The following SVEP1 variants were observed in gnomAD, a reference collection of about 807,000 sequenced individuals.
SVEP1 encodes sushi, von Willebrand factor type A, EGF and pentraxin domain-containing protein 1.
In SVEP1, 164 loss-of-function variants were observed where a neutral mutation model predicts 367.3. That is an observed-to-expected ratio of 0.45 (90% CI 0.39 to 0.51). The LOEUF is 0.51. Among genes scored for constraint, SVEP1 ranks in the 20% least tolerant of loss-of-function variants. SVEP1 has a pLI of 0.00. For missense variants in SVEP1, 4,117 were observed against 4,425.3 expected, an observed-to-expected ratio of 0.93 and a Z score of 1.98; for synonymous variants, 1,666 against 1,611.6, an observed-to-expected ratio of 1.03 and a Z score of -0.81.
At chr9:110,550,363 C>G (rs1019140554) in intron 1 of SVEP1, among the ~76,000 whole-genome samples, 6 of 152,110 alleles carry the variant, frequency 3.9e-5, no homozygotes, top group African/African-American at 1.4e-4. Flanking sequence ...TAATGAAGTA[C>G]AACAAACACT....
intron 3 of SVEP1, among the ~76,000 whole-genome samples, chr9:110,545,641 A>G (rs1408974359): frequency 1.3e-5 from 2 of 152,180 alleles, no homozygotes; most frequent in Non-Finnish European, 2.9e-5. Context: ...AGATTGAGGC[A>G]CATTTTGGTT....
intron 8 of SVEP1, among the ~76,000 whole-genome samples, chr9:110,491,617 GCAAAT>G (rs1829368245): frequency 1.3e-5 from 2 of 150,784 alleles, no homozygotes; most frequent in African/African-American, 2.4e-5. Flanking sequence ...GTGTGTGTGT[GCAAAT>G]TTATCTGTAT....
intron 23 of SVEP1, among the ~76,000 whole-genome samples, chr9:110,450,476 T>G (rs1171659288): frequency 2.0e-5 from 3 of 146,730 alleles, no homozygotes; most frequent in Non-Finnish European, 3.0e-5. Context: ...TGTTTTTTTT[T>G]TTTTTTTTTT....
At chr9:110,525,687 C>T (rs1276907149) in intron 3 of SVEP1, among the ~76,000 whole-genome samples, 1 of 151,712 alleles carries the variant, frequency 6.6e-6, no homozygotes, top group African/African-American at 2.4e-5. Context: ...CTATAATAAT[C>T]AAGACTATGC....
intron 44 of SVEP1, among the ~76,000 whole-genome samples, chr9:110,378,873 G>T (rs567497018): frequency 6.6e-6 from 1 of 151,094 alleles, no homozygotes; most frequent in Non-Finnish European, 1.5e-5. Flanking sequence ...TAACAAACCC[G>T]CATGTTGTGT....
chr9:110,492,438 T>C (rs1829380433), intron 8 of SVEP1, among the ~76,000 whole-genome samples: 1 of 151,680 alleles, frequency 6.6e-6, no homozygotes, highest in Middle Eastern at 3.4e-3. Context: ...ATGCAATAGA[T>C]ACTCTTATTT....
In SVEP1 at chr9:110,429,270, T is replaced by C; in HGVS notation, c.5680A>G (p.Ser1894Gly). ...ESSCLANSSW[S>G]HSPPVCEPVK... is the part of the protein sequence containing the mutation. ...GGTTCACACACAGGAGGGGAATGACTCCAAGAACTGTTAGCAAGACAGGAT... is the reference window on the plus strand; with the variant it reads ...GGTTCACACACAGGAGGGGAATGACCCCAAGAACTGTTAGCAAGACAGGAT... The change falls in exon 35 of 48, where the codon AGT (serine) becomes GGT (glycine). Residue 1894 changes from serine (S) to glycine (G), a missense_variant. Around this residue, in one of 4 missense-constraint regions of SVEP1, gnomAD observed 2,174 missense variants for 2,494.3 expected, o/e 0.87. Transcript: ENST00000374469. 6.3e-7 allele frequency: 1 copy of C among 1,596,806 alleles called. No homozygotes were observed. The highest frequency in any genetic ancestry group is 8.5e-7 in the Non-Finnish European group (1 of 1,171,136).
chr9:110,554,174 A>ATT (rs141773766), intron 1 of SVEP1, among the ~76,000 whole-genome samples: 3 of 150,752 alleles, frequency 2.0e-5, no homozygotes, highest in East Asian at 1.9e-4. Flanking sequence ...GCTTTATACT[A>ATT]TTTTTTTTTG....
At chr9:110,434,670 A>AAAAAAAAAT in intron 29 of SVEP1, among the ~76,000 whole-genome samples, 164 bp from the exon 30 acceptor site, 1 of 148,398 alleles carries the variant, frequency 6.7e-6, no homozygotes, top group Non-Finnish European at 1.5e-5. Context: ...AATCACTAAA[A>AAAAAAAAAT]AAAAAAAAAA....
At chr9:110,370,569 A>G (rs572023260) in intron 46 of SVEP1, among the ~76,000 whole-genome samples, 113 of 152,312 alleles carry the variant, frequency 7.4e-4, no homozygotes, top group African/African-American at 2.5e-3. Flanking sequence ...GAGAGGAGAC[A>G]TATTTCACGG....
chr9:110,551,779 TGAG>T (rs1830289862), intron 1 of SVEP1, among the ~76,000 whole-genome samples: 1 of 152,082 alleles, frequency 6.6e-6, no homozygotes. Flanking sequence ...AAAAAACCTC[TGAG>T]GAGAGGAAGA....
rs181865592 is a variant in SVEP1, at chr9:110,514,381, C to T, written c.965-275G>A. On this transcript the variant is annotated intron_variant, in intron 3 of 47. Coordinates refer to ENST00000374469, the MANE Select transcript of SVEP1 (RefSeq NM_153366.4). ...ACAAAAAATTAGCTGGGTGTGGTGG[C>T]GTGTGCCTGTAATCCTAGCTAATCA... is the stretch of plus-strand genomic sequence containing the variant. 3.6e-3 allele frequency among the ~76,000 whole-genome samples: 542 copies of T among 151,916 alleles called. 2 individuals carry two copies. Among genetic ancestry groups the T allele is most frequent in the African/African-American group, 0.012 (502 of 41,452 alleles).
chr9:110,437,696 ACTT>A (rs1828451927), intron 27 of SVEP1, among the ~76,000 whole-genome samples: 1 of 151,774 alleles, frequency 6.6e-6, no homozygotes, highest in African/African-American at 2.4e-5. Flanking sequence ...TACATGGATA[ACTT>A]CTTTAGTGGT....
At chr9:110,532,847 C>T (rs905357850) in intron 3 of SVEP1, among the ~76,000 whole-genome samples, 1 of 152,084 alleles carries the variant, frequency 6.6e-6, no homozygotes, top group Non-Finnish European at 1.5e-5. Flanking sequence ...GAAACTTTGC[C>T]GAATGTCCCC....
chr9:110,562,740 G>A (rs767783657), intron 1 of SVEP1, among the ~76,000 whole-genome samples: 12 of 152,076 alleles, frequency 7.9e-5, no homozygotes, highest in Non-Finnish European at 1.2e-4. Flanking sequence ...CTAGGCTGGA[G>A]TACAGTGGCG....
At chr9:110,455,064 G>T (rs1469713464) in intron 22 of SVEP1, among the ~76,000 whole-genome samples, 1 of 152,108 alleles carries the variant, frequency 6.6e-6, no homozygotes, top group African/African-American at 2.4e-5. Context: ...GAGGCATAGT[G>T]GTCCATAACA....
At chr9:110,505,388 A>T (rs1829608413) in intron 5 of SVEP1, among the ~76,000 whole-genome samples, 2 of 152,172 alleles carry the variant, frequency 1.3e-5, no homozygotes, top group South Asian at 4.2e-4. Context: ...AGGGTTATCC[A>T]CATGTAGCTG....
intron 27 of SVEP1, chr9:110,442,863 A>C (rs1299406481): frequency 6.6e-6 from 1 of 152,204 alleles, no homozygotes; most frequent in Non-Finnish European, 1.5e-5. Flanking sequence ...TATATTTATT[A>C]GTATACGTAT....
At chr9:110,499,260 A>C (rs2118746671) in intron 6 of SVEP1, 22 bp from the exon 7 acceptor site, 1 of 1,587,846 alleles carries the variant, frequency 6.3e-7, no homozygotes, top group African/African-American at 1.3e-5. Flanking sequence ...AAACAGAGAG[A>C]ATGTTATTTG....
Sources: gnomAD v4.1 joint callset for allele counts (sites outside exome capture counted in the v4.1 genomes callset) on GRCh38, gnomAD v4.1.1 for gene constraint, gnomAD v4.1.1 regional missense constraint, MANE v1.5 for transcripts, NCBI Gene and HGNC (gene_info 2026-07-23, HGNC 2026-07-21) for gene names.